The following CATSPERG variants were observed in gnomAD, a reference collection of about 807,000 sequenced individuals.
The protein encoded by CATSPERG is cation channel sperm-associated auxiliary subunit gamma.
A neutral mutation model predicts 145.0 loss-of-function variants in CATSPERG; 115 were observed. The observed-to-expected ratio is 0.79, with a 90% CI of 0.68 to 0.93. The LOEUF (loss-of-function observed/expected upper bound fraction) is 0.93. Ranked by LOEUF, CATSPERG falls within the 40% of genes least tolerant of loss-of-function variation. The pLI, the probability that CATSPERG is intolerant of heterozygous loss-of-function variation, is 0.00. For synonymous variants in CATSPERG, 588 were observed against 589.0 expected, an observed-to-expected ratio of 1.00 and a Z score of 0.02; for missense variants, 1,296 against 1,490.1, an observed-to-expected ratio of 0.87 and a Z score of 2.14.
chr19:38,367,724 C>G lies in CATSPERG; in HGVS notation c.2878C>G (p.Leu960Val), dbSNP rs562170593. 23 of 1,614,004 alleles carry G rather than the reference C, an allele frequency of 1.4e-5. No individual in the cohort carries two copies. Among genetic ancestry groups the G allele is most frequent in the Non-Finnish European group, 1.9e-5 (22 of 1,180,018 alleles). ...VVGGGPTLDS[L>V]KDYSEDEIYR... ...GGGTGGCGGGCCCACACTGGACAGC[C>G]TCAAGGACTACAGTGAGGACGAAAT... is the stretch of plus-strand genomic sequence containing the variant. Residue 960 changes from leucine to valine, a missense_variant, in exon 25 of 29, where the codon CTC becomes GTC. By Grantham distance (32) the Leu-to-Val change is conservative. Coordinates refer to ENST00000409235, the MANE Select transcript of CATSPERG (RefSeq NM_021185.5).
rs764395187 is a variant in CATSPERG, at chr19:38,352,426, G to A, written c.991G>A (p.Gly331Ser). The A allele has an allele frequency of 4.3e-5, 67 of 1,551,616 alleles. No individual in the cohort carries two copies. Among genetic ancestry groups the A allele is most frequent in the Non-Finnish European group, 5.6e-5 (64 of 1,147,104 alleles). The change falls in exon 8 of 29, where the codon GGC (glycine) becomes AGC (serine). Residue 331 changes from glycine to serine, a missense_variant. Physicochemically the swap from Gly to Ser is moderately conservative, Grantham distance 56 (BLOSUM62 0). Transcript: ENST00000409235. ...TACCACACTCTATGAGAGAAACCGC[G>A]GCAGTGGTGAGTGTGCTGTGGCTGG... ...TYTTLYERNRGSGSWIRVLAS... is the reference protein window; with the variant it reads ...TYTTLYERNRSSGSWIRVLAS...
chr19:38,342,064 C>A (rs1969946903), intron 3 of CATSPERG, among the ~76,000 whole-genome samples: 1 of 120,714 alleles, frequency 8.3e-6, no homozygotes. Flanking sequence ...GGCAACAGAG[C>A]AAGACCTTAT....
intron 9 of CATSPERG, 140 bp downstream of exon 9, chr19:38,354,987 G>A (rs963444441): frequency 2.0e-6 from 2 of 982,634 alleles, no homozygotes; most frequent in Admixed American, 5.0e-5. Context: ...GGTGGTGGAG[G>A]GATGCGTTTG....
chr19:38,358,134 A>G, intron 11 of CATSPERG, 144 bp from the exon 12 acceptor site: 1 of 722,456 alleles, frequency 1.4e-6, no homozygotes, highest in South Asian at 1.9e-5. Flanking sequence ...AATAAAAGAA[A>G]AGAAACTCTA....
In CATSPERG at chr19:38,367,361, C is replaced by G. The variant is rs779603929; in HGVS notation, c.2770+49C>G. The G allele has an allele frequency of 8.8e-6, 14 of 1,589,840 alleles. No individual in the cohort carries two copies. In the East Asian group the frequency reaches 1.1e-4, roughly 13 times the overall value. ...GCACAGTTCACTGCCCTCTTGCCCC[C>G]ACTACTTTGTGCTCTCCCTCCCCAT... On this transcript the variant is annotated intron_variant, in intron 23 of 28. Transcript: ENST00000409235.
At chr19:38,368,963 A>C (rs1472934101) in intron 26 of CATSPERG, among the ~76,000 whole-genome samples, 2 of 152,058 alleles carry the variant, frequency 1.3e-5, no homozygotes, top group Non-Finnish European at 2.9e-5. Context: ...ATGCCCGGTT[A>C]ATTTTTGTAT....
rs773950790 is a variant in CATSPERG at position 38,343,708 on chromosome 19, C to A, written c.453C>A (p.Ala151=). Residue 151 remains alanine (A), a synonymous_variant, in exon 4 of 29, where the codon GCC becomes GCA. Transcript: ENST00000409235. ...AGCTGCAGATCCAGATGGAGGCTGC[C>A]CCCTTCCGCAGCAAAGGTGGGCCTG... ...IEQLQIQMEA[A]PFRSKEPCMA... The A allele has an allele frequency of 1.6e-5, 25 of 1,550,596 alleles. No homozygotes were observed. Among genetic ancestry groups the A allele is most frequent in the African/African-American group, 2.7e-5 (2 of 73,052 alleles).
chr19:38,356,421 G>C (rs1970243692), intron 9 of CATSPERG, 63 bp from the exon 10 acceptor site: 1 of 1,523,460 alleles, frequency 6.6e-7, no homozygotes, highest in South Asian at 1.1e-5. Flanking sequence ...AATCGGAGTT[G>C]GCTTGATGGG....
chr19:38,337,703 A>C (rs955510910), intron 3 of CATSPERG, 57 bp downstream of exon 3: 4 of 1,373,752 alleles, frequency 2.9e-6, no homozygotes, highest in Non-Finnish European at 4.0e-6. Context: ...TCCCACCTCT[A>C]ACATTTTTAT....
At chr19:38,346,263 C>T (rs2145073281) in intron 6 of CATSPERG, among the ~76,000 whole-genome samples, 187 bp from the exon 7 acceptor site, 1 of 152,210 alleles carries the variant, frequency 6.6e-6, no homozygotes, top group Non-Finnish European at 1.5e-5. Flanking sequence ...GTCTGAGAAG[C>T]AGAGAAGAGG....
chr19:38,352,571 A>G (rs879137466), intron 8 of CATSPERG, 139 bp downstream of exon 8: 3 of 533,796 alleles, frequency 5.6e-6, no homozygotes, highest in Non-Finnish European at 9.7e-6. Context: ...ACCCTTGCCC[A>G]CCCCGAATGG....
chr19:38,358,653 T>A, intron 13 of CATSPERG, 92 bp downstream of exon 13: 1 of 1,487,340 alleles, frequency 6.7e-7, no homozygotes, highest in Non-Finnish European at 9.3e-7. Flanking sequence ...GCTAGGCAAG[T>A]CTCACCAAGC....
chr19:38,336,745 T>G, intron 1 of CATSPERG: 7 of 241,736 alleles, frequency 2.9e-5, no homozygotes, highest in Admixed American at 5.2e-5. Flanking sequence ...AAGCGAGAAA[T>G]AGAAACCAAG....
At chr19:38,342,003 G>A (rs1234836949) in intron 3 of CATSPERG, among the ~76,000 whole-genome samples, 2 of 151,830 alleles carry the variant, frequency 1.3e-5, no homozygotes, top group Non-Finnish European at 2.9e-5. Flanking sequence ...TGAAGTCTGG[G>A]AGAGGTGGAG....
rs1385636867 is a variant in CATSPERG, at chr19:38,370,597, G to A, written c.3285G>A (p.Val1095=). The A allele has an allele frequency of 1.2e-6, 2 of 1,614,186 alleles. No homozygotes were observed. Among genetic ancestry groups the A allele is most frequent in the Non-Finnish European group, 1.7e-6 (2 of 1,180,048 alleles). ...IAFCLLWPLV[V]KGCTMIRWKI... Reference sequence around the variant, plus strand: ...TCTGCCTCCTGTGGCCCCTCGTGGTGAAGGGCTGCACGATGATCCGGTGGA... The same window carrying A: ...TCTGCCTCCTGTGGCCCCTCGTGGTAAAGGGCTGCACGATGATCCGGTGGA... Residue 1095 remains valine, a synonymous_variant, in exon 29 of 29, where the codon GTG becomes GTA. Transcript: ENST00000409235.
chr19:38,370,180 C>CTTACT lies in CATSPERG; in HGVS notation c.3136_3137insTACTT (p.Cys1046LeufsTer38), dbSNP rs1256902406. 2 of 1,613,968 alleles carry CTTACT rather than the reference C, an allele frequency of 1.2e-6. No individual in the cohort carries two copies. The highest frequency in any genetic ancestry group is 1.7e-6 in the Non-Finnish European group (2 of 1,180,038). On this transcript the variant is annotated frameshift_variant, in exon 28 of 29. Transcript: ENST00000409235. LOFTEE classifies it high-confidence loss of function. ...GCAGAGGAGTGGACACGAGCACCTA[C>CTTACT]TGCAACTACCAGCTCACCTTCCTGC...
chr19:38,339,684 G>T (rs1029216840), intron 3 of CATSPERG, among the ~76,000 whole-genome samples: 1 of 151,884 alleles, frequency 6.6e-6, no homozygotes, highest in Non-Finnish European at 1.5e-5. Context: ...ATTTACAAAG[G>T]CCTTGCGTAA....
At chr19:38,358,806 C>T (rs1335953460) in intron 13 of CATSPERG, among the ~76,000 whole-genome samples, 5 of 152,048 alleles carry the variant, frequency 3.3e-5, no homozygotes, top group African/African-American at 1.2e-4. Context: ...TATAAAGACC[C>T]AGCCTGTGTG....
intron 1 of CATSPERG, chr19:38,336,242 AAGG>A: frequency 2.2e-6 from 1 of 456,282 alleles, no homozygotes; most frequent in Non-Finnish European, 4.4e-6. Flanking sequence ...GCCGGCGTGG[AAGG>A]AGAAGGTGTG....
Sources: allele counts gnomAD v4.1 joint callset (sites outside exome capture counted in the v4.1 genomes callset), GRCh38; gene constraint gnomAD v4.1.1; transcripts MANE v1.5; gene names NCBI Gene and HGNC (gene_info 2026-07-23, HGNC 2026-07-21).